LNX1: variants seen among roughly 807,000 people sequenced by gnomAD.
LNX1 encodes E3 ubiquitin-protein ligase LNX.
In LNX1, 54 loss-of-function variants were observed where a neutral mutation model predicts 68.4. The ratio of observed to expected loss-of-function variants is 0.79; its 90% CI spans 0.63 to 0.99. The LOEUF is 0.99. Among genes scored for constraint, LNX1 ranks in the 50% least tolerant of loss-of-function variants. LNX1 has a pLI of 0.00. For missense variants in LNX1, 906 were observed against 926.4 expected, an observed-to-expected ratio of 0.98 and a Z score of 0.29; for synonymous variants, 336 against 350.0, an observed-to-expected ratio of 0.96 and a Z score of 0.45.
intron 7 of LNX1, among the ~76,000 whole-genome samples, chr4:53,479,322 T>A (rs573474308): frequency 1.3e-5 from 2 of 152,192 alleles, no homozygotes; most frequent in South Asian, 4.2e-4. Flanking sequence ...TTTTCTATGT[T>A]AAAAAAAAGT....
intron 2 of LNX1, among the ~76,000 whole-genome samples, chr4:53,546,799 T>C (rs1022667802): frequency 2.0e-5 from 3 of 152,058 alleles, no homozygotes; most frequent in Non-Finnish European, 4.4e-5. Flanking sequence ...AGGAGCTAAA[T>C]AGCTGAGGAA....
intron 4 of LNX1, among the ~76,000 whole-genome samples, chr4:53,501,677 C>T (rs921039385): frequency 6.6e-6 from 1 of 152,152 alleles, no homozygotes; most frequent in Admixed American, 6.5e-5. Context: ...GCGCCAGTCC[C>T]TTTACTGACA....
chr4:53,560,637 A>G (rs1730218412), intron 2 of LNX1, among the ~76,000 whole-genome samples: 1 of 152,176 alleles, frequency 6.6e-6, no homozygotes, highest in African/African-American at 2.4e-5. Flanking sequence ...CTGCCTGCCT[A>G]ATTCTTTCTG....
intron 1 of LNX1, among the ~76,000 whole-genome samples, chr4:53,625,521 G>A (rs1437541771): frequency 6.6e-6 from 1 of 152,212 alleles, no homozygotes; most frequent in African/African-American, 2.4e-5. Context: ...ATGAGGCTAG[G>A]TGTGGTGGCT....
chr4:53,536,813 C>T (rs886556234), intron 2 of LNX1, among the ~76,000 whole-genome samples: 4 of 152,172 alleles, frequency 2.6e-5, no homozygotes, highest in Non-Finnish European at 1.5e-5. Flanking sequence ...AATGATGCAT[C>T]TTGTGTTGTT....
intron 1 of LNX1, among the ~76,000 whole-genome samples, chr4:53,579,444 T>A (rs1731695583): frequency 6.6e-6 from 1 of 152,120 alleles, no homozygotes; most frequent in African/African-American, 2.4e-5. Context: ...CCCATCTCTT[T>A]TTGGTCCTAA....
chr4:53,461,053 A>AAAC lies in LNX1; in HGVS notation c.2052-14_2052-12dup. ...AGAATATCACCACATCTAAAAAAAA[A>AAAC]AACAAAACAAGATATGATTAGTATT... On this transcript the variant is annotated splice_polypyrimidine_tract_variant and intron_variant, in intron 10 of 10. Transcript: ENST00000263925. 1 of 1,550,402 alleles carries AAAC rather than the reference A, an allele frequency of 6.4e-7. No homozygotes were observed. The highest frequency in any genetic ancestry group is 8.7e-7 in the Non-Finnish European group (1 of 1,154,276).
intron 2 of LNX1, among the ~76,000 whole-genome samples, chr4:53,519,690 C>A (rs1366487743): frequency 7.2e-5 from 11 of 152,150 alleles, no homozygotes; most frequent in Admixed American, 2.6e-4. Flanking sequence ...CACATGCACA[C>A]ACACACACTC....
chr4:53,581,010 A>G (rs1260946302), intron 1 of LNX1, among the ~76,000 whole-genome samples: 1 of 152,224 alleles, frequency 6.6e-6, no homozygotes, highest in Non-Finnish European at 1.5e-5. Context: ...AAAAGTTTAA[A>G]CAGTGACAGG....
intron 6 of LNX1, among the ~76,000 whole-genome samples, chr4:53,489,243 T>G (rs1371457697): frequency 6.6e-6 from 1 of 152,058 alleles, no homozygotes; most frequent in Non-Finnish European, 1.5e-5. Context: ...ACATAGTAAA[T>G]AGGATCTTAA....
At chr4:53,617,221 G>T (rs993277354) in intron 1 of LNX1, 1 of 152,004 alleles carries the variant, frequency 6.6e-6, no homozygotes, top group Admixed American at 6.6e-5. Context: ...ATTAAAAAAA[G>T]AGAGCAAAGG....
chr4:53,508,363 C>A (rs1253800241), intron 2 of LNX1, 136 bp from the exon 3 acceptor site: 1 of 1,039,446 alleles, frequency 9.6e-7, no homozygotes, highest in African/African-American at 1.6e-5. Flanking sequence ...GCCGCTATAT[C>A]CTCTCTTCCC....
chr4:53,505,847 C>A (rs1205431938), intron 4 of LNX1, among the ~76,000 whole-genome samples: 1 of 152,094 alleles, frequency 6.6e-6, no homozygotes, highest in Non-Finnish European at 1.5e-5. Context: ...TACACTAAAT[C>A]TGGAAGAAGG....
chr4:53,478,372 T>C (rs1723699259), intron 8 of LNX1, among the ~76,000 whole-genome samples, 193 bp downstream of exon 8: 2 of 150,540 alleles, frequency 1.3e-5, no homozygotes, highest in Admixed American at 1.3e-4. Context: ...GCAGGCAAGT[T>C]GGCCTGCAAC....
intron 2 of LNX1, among the ~76,000 whole-genome samples, chr4:53,566,189 A>G (rs1046643478): frequency 1.3e-5 from 2 of 151,962 alleles, no homozygotes; most frequent in Non-Finnish European, 2.9e-5. Context: ...TCCAAGACAC[A>G]TAATTGTCAG....
chr4:53,540,548 G>C (rs948116846), intron 2 of LNX1, among the ~76,000 whole-genome samples: 2 of 151,960 alleles, frequency 1.3e-5, no homozygotes, highest in South Asian at 2.1e-4. Context: ...TGGGCATGGT[G>C]GTGGGTGCCT....
intron 1 of LNX1, among the ~76,000 whole-genome samples, chr4:53,648,294 G>T (rs367928776): frequency 6.6e-6 from 1 of 152,170 alleles, no homozygotes; most frequent in Non-Finnish European, 1.5e-5. Flanking sequence ...TAACTTGATA[G>T]TAGCCATGCT....
upstream of LNX1, among the ~76,000 whole-genome samples, chr4:53,594,331 C>G (rs1180040488): frequency 6.6e-6 from 1 of 152,084 alleles, no homozygotes; most frequent in Non-Finnish European, 1.5e-5. Context: ...AGTTGTAACT[C>G]TCTATGACAT....
At chr4:53,471,645 G>GA (rs907367863) in intron 9 of LNX1, among the ~76,000 whole-genome samples, 6 of 149,888 alleles carry the variant, frequency 4.0e-5, no homozygotes, top group Non-Finnish European at 7.4e-5. Flanking sequence ...AAGTTTACAA[G>GA]AAAAAAAAAC....
Sources: allele counts gnomAD v4.1 joint callset (sites outside exome capture counted in the v4.1 genomes callset), GRCh38; gene constraint gnomAD v4.1.1; transcripts MANE v1.5; gene names NCBI Gene and HGNC (gene_info 2026-07-23, HGNC 2026-07-21).